Variants in RNF212B observed in about 807,000 individuals in gnomAD.
The protein encoded by RNF212B is ring finger protein 212B.
In RNF212B, 52 loss-of-function variants were observed where a neutral mutation model predicts 55.5. The observed-to-expected ratio is 0.94, with a 90% CI of 0.75 to 1.18. RNF212B has a LOEUF of 1.18. Among genes scored for constraint, RNF212B ranks in the 50% most tolerant of loss-of-function variants. RNF212B has a pLI of 0.00. For synonymous variants in RNF212B, 99 were observed against 121.4 expected (o/e 0.82, Z 1.21); for missense variants, 289 against 350.4 (o/e 0.82, Z 1.40).
intron 2 of RNF212B, among the ~76,000 whole-genome samples, chr14:23,218,201 T>C (rs1247857780): frequency 6.6e-6 from 1 of 151,724 alleles, no homozygotes; most frequent in Non-Finnish European, 1.5e-5. Flanking sequence ...ACCCCGTCTC[T>C]ACTAAAAATA....
chr14:23,272,960 G>T lies in RNF212B; in HGVS notation c.*69G>T. The stretch of plus-strand genomic sequence containing the variant: ...CTGTAGCTTCCAGTACGCATTAGGG[G>T]TGATGGCCCTGGAAAATGTATCCCT... On this transcript the variant is annotated 3_prime_UTR_variant, in exon 15 of 15. Coordinates refer to ENST00000430154, the MANE Select transcript of RNF212B (RefSeq NM_001282322.3). 2 of 863,388 alleles carry T rather than the reference G, an allele frequency of 2.3e-6. No individual in the cohort carries two copies. Among genetic ancestry groups the T allele is most frequent in the Admixed American group, 6.0e-5 (2 of 33,302 alleles). 53.5% of individuals were successfully genotyped at this position (863,388 alleles called of 1,614,324 possible).
At position 23,257,805 on chromosome 14, in the gene RNF212B, CT is replaced by C. The variant is rs562058016; in HGVS notation, c.229-741del. 2.8e-3 allele frequency among the ~76,000 whole-genome samples: 421 copies of C among 152,278 alleles called. 2 individuals carry two copies. Among genetic ancestry groups the C allele is most frequent in the Middle Eastern group, 6.8e-3 (2 of 294 alleles). On this transcript the variant is annotated intron_variant, in intron 4 of 14. Coordinates refer to ENST00000430154, the MANE Select transcript of RNF212B (RefSeq NM_001282322.3). ...TAATCTCCTTCTGTGCCTCTCCACC[CT>C]TTCCTATAGCAGCATAAGCAGCCTG... is the stretch of plus-strand genomic sequence containing the variant.
intron 2 of RNF212B, among the ~76,000 whole-genome samples, chr14:23,242,732 C>T (rs918252775): frequency 4.6e-5 from 7 of 151,890 alleles, no homozygotes; most frequent in Non-Finnish European, 7.4e-5. Context: ...CACCACTTTG[C>T]GGGGGCCAAG....
chr14:23,185,604 A>G (rs1156460994), intron 1 of RNF212B: 2 of 71,690 alleles, frequency 2.8e-5, no homozygotes, highest in Non-Finnish European at 9.0e-5. Flanking sequence ...GTGCAAACTG[A>G]TAACGATATG....
At chr14:23,207,951 A>G (rs535191356) in intron 2 of RNF212B, among the ~76,000 whole-genome samples, 1 of 152,370 alleles carries the variant, frequency 6.6e-6, no homozygotes, top group Admixed American at 6.5e-5. Flanking sequence ...CAGGTCACAG[A>G]TAAATGAGAC....
chr14:23,213,110 A>C (rs1594884864), intron 2 of RNF212B, among the ~76,000 whole-genome samples: 1 of 152,176 alleles, frequency 6.6e-6, no homozygotes, highest in East Asian at 1.9e-4. Context: ...CAGGAGATCG[A>C]GACCATCCTG....
chr14:23,215,877 T>C (rs893320437), intron 2 of RNF212B, among the ~76,000 whole-genome samples: 17 of 152,244 alleles, frequency 1.1e-4, no homozygotes, highest in African/African-American at 4.1e-4. Flanking sequence ...TATCTAATTA[T>C]GTTTCATATT....
chr14:23,242,834 G>A (rs1183274305), intron 2 of RNF212B, among the ~76,000 whole-genome samples: 1 of 151,894 alleles, frequency 6.6e-6, no homozygotes, highest in African/African-American at 2.4e-5. Flanking sequence ...ATTAAAATGA[G>A]TTGAGGTGGT....
At chr14:23,232,457 G>A (rs1388786056) in intron 2 of RNF212B, among the ~76,000 whole-genome samples, 3 of 111,344 alleles carry the variant, frequency 2.7e-5, no homozygotes, top group Non-Finnish European at 6.5e-5. Context: ...CAGCCGCCCC[G>A]TCTGAGAAGT....
chr14:23,215,129 A>T (rs1880940393), intron 2 of RNF212B, among the ~76,000 whole-genome samples: 1 of 152,120 alleles, frequency 6.6e-6, no homozygotes, highest in South Asian at 2.1e-4. Flanking sequence ...TGTTCTCATG[A>T]TGGTGAGTGA....
At chr14:23,220,607 C>T (rs1379623477) in intron 2 of RNF212B, among the ~76,000 whole-genome samples, 2 of 151,978 alleles carry the variant, frequency 1.3e-5, no homozygotes, top group East Asian at 3.9e-4. Flanking sequence ...AGGTGGATCA[C>T]GAGGTCAGGA....
At chr14:23,224,863 G>C (rs897860709) in intron 2 of RNF212B, among the ~76,000 whole-genome samples, 1 of 151,998 alleles carries the variant, frequency 6.6e-6, no homozygotes, top group Admixed American at 6.6e-5. Context: ...ATCTGACAAG[G>C]GATTAATAAC....
chr14:23,212,560 AATTTT>A (rs1402554925), intron 2 of RNF212B, among the ~76,000 whole-genome samples: 3 of 151,986 alleles, frequency 2.0e-5, no homozygotes, highest in Non-Finnish European at 4.4e-5. Context: ...TTTATTTTTA[AATTTT>A]ATTTTATTTT....
intron 1 of RNF212B, among the ~76,000 whole-genome samples, chr14:23,190,481 C>T (rs1878018912): frequency 6.6e-6 from 1 of 152,212 alleles, no homozygotes; most frequent in South Asian, 2.1e-4. Flanking sequence ...TTATCTTTTT[C>T]TCATATATCC....
At chr14:23,242,119 G>GAAAAAGAA (rs1440859086) in intron 2 of RNF212B, among the ~76,000 whole-genome samples, 1 of 126,798 alleles carries the variant, frequency 7.9e-6, no homozygotes, top group Non-Finnish European at 1.8e-5. Context: ...AAAAGAAAAA[G>GAAAAAGAA]AAAAAGAAAA....
intron 2 of RNF212B, among the ~76,000 whole-genome samples, chr14:23,206,363 G>A (rs950726684): frequency 4.6e-5 from 7 of 152,302 alleles, no homozygotes; most frequent in Non-Finnish European, 7.4e-5. Context: ...GTGAGCCACC[G>A]TGCCCGGCCT....
At chr14:23,255,038 A>G (rs1383451211) in intron 4 of RNF212B, among the ~76,000 whole-genome samples, 2 of 151,398 alleles carry the variant, frequency 1.3e-5, no homozygotes, top group African/African-American at 4.9e-5. Context: ...TGATCTTCCA[A>G]GAAATCAGGA....
chr14:23,246,798 C>T (rs1299310447), intron 4 of RNF212B, among the ~76,000 whole-genome samples: 1 of 152,032 alleles, frequency 6.6e-6, no homozygotes, highest in African/African-American at 2.4e-5. Context: ...GATCACAAAC[C>T]CACTTAAAAA....
intron 1 of RNF212B, among the ~76,000 whole-genome samples, chr14:23,189,582 C>T (rs567087077): frequency 7.9e-5 from 12 of 151,930 alleles, no homozygotes; most frequent in Non-Finnish European, 1.6e-4. Flanking sequence ...GCGGGAGGAT[C>T]GCTTGAGTCC....
Sources: allele counts gnomAD v4.1 joint callset (sites outside exome capture counted in the v4.1 genomes callset), GRCh38; gene constraint gnomAD v4.1.1; transcripts MANE v1.5; gene names NCBI Gene and HGNC (gene_info 2026-07-23, HGNC 2026-07-21).